Variants in NKAIN3 observed in about 807,000 individuals in gnomAD.
NKAIN3 encodes sodium/potassium transporting ATPase interacting 3.
Under a neutral mutation model 30.2 loss-of-function variants are expected in NKAIN3, and 25 were observed. That is an observed-to-expected ratio of 0.83 (90% confidence interval 0.60 to 1.16). The LOEUF is 1.16. Ranked by LOEUF, NKAIN3 falls within the 50% of genes most tolerant of loss-of-function variation. The pLI, the probability that NKAIN3 is intolerant of heterozygous loss-of-function variation, is 0.00. For synonymous variants in NKAIN3, 91 were observed against 89.6 expected, an observed-to-expected ratio of 1.02 and a Z score of -0.09; for missense variants, 225 against 254.1, an observed-to-expected ratio of 0.89 and a Z score of 0.78.
intron 3 of NKAIN3, among the ~76,000 whole-genome samples, chr8:62,646,198 T>C (rs1009195999): frequency 1.4e-4 from 21 of 150,534 alleles, no homozygotes; most frequent in Non-Finnish European, 2.5e-4. Flanking sequence ...TGGTCATGTG[T>C]CTTTCCATGA....
Position 62,883,457 on chromosome 8 carries a change from G to GTTGTTTTTTTTTTTTTTTTTTTT in NKAIN3, c.472-34994_472-34993insGTTTTTTTTTTTTTTTTTTTTTT. 3.4e-4 allele frequency among the ~76,000 whole-genome samples: 24 copies of GTTGTTTTTTTTTTTTTTTTTTTT among 70,234 alleles called. 2 individuals carry two copies. The highest frequency in any genetic ancestry group is 9.8e-4 in the African/African-American group (14 of 14,304). The allele number at this position is 70,234 out of a possible 152,430, so 46.1% of individuals were successfully genotyped here. A position where few individuals can be genotyped will look rare whatever the true frequency, so the allele number is the denominator to read the frequency against. On this transcript the variant is annotated intron_variant, in intron 4 of 6. Coordinates refer to ENST00000623646, the MANE Select transcript of NKAIN3 (RefSeq NM_001304533.3). ...TTTATTATTTCCAGGAGTTTTATGG[G>GTTGTTTTTTTTTTTTTTTTTTTT]TTTTTTTTTTTTTTTTCAGATTTTC...
intron 1 of NKAIN3, among the ~76,000 whole-genome samples, chr8:62,304,498 C>T (rs1397191095): frequency 6.7e-6 from 1 of 150,196 alleles, no homozygotes; most frequent in East Asian, 1.9e-4. Flanking sequence ...ATACATGAAA[C>T]AATGTGTAAA....
intron 1 of NKAIN3, among the ~76,000 whole-genome samples, chr8:62,498,364 A>G (rs148205593): frequency 1.8e-4 from 27 of 151,928 alleles, no homozygotes; most frequent in African/African-American, 6.5e-4. Context: ...TATTAAGACT[A>G]CCTCTTAGCC....
chr8:62,731,441 C>A (rs891925591), intron 3 of NKAIN3, among the ~76,000 whole-genome samples: 2 of 151,912 alleles, frequency 1.3e-5, no homozygotes, highest in African/African-American at 2.4e-5. Context: ...TGTTTTAACC[C>A]TCAATACAAG....
In NKAIN3 at chr8:62,845,284, A is replaced by ATT. The variant is rs1159232959; in HGVS notation, c.472-73168_472-73167dup. ...GATTCATTGACCTGCTGGATAGTAG[A>ATT]TTATATATATATATATATATATATA... On this transcript the variant is annotated intron_variant, in intron 4 of 6. Transcript: ENST00000623646. 1.3e-3 allele frequency among the ~76,000 whole-genome samples: 26 copies of ATT among 20,484 alleles called. 1 individual carries two copies. Among genetic ancestry groups the ATT allele is most frequent in the South Asian group, 4.6e-3 (2 of 432 alleles). The allele number at this position is 20,484 out of a possible 152,430, so 13.4% of individuals were successfully genotyped here.
intron 4 of NKAIN3, among the ~76,000 whole-genome samples, chr8:62,861,971 T>C (rs994309762): frequency 6.6e-6 from 1 of 152,354 alleles, no homozygotes; most frequent in South Asian, 2.1e-4. Context: ...TGAAAAGTTA[T>C]AAAATATCTT....
chr8:62,736,389 C>T (rs1446174413), intron 3 of NKAIN3, among the ~76,000 whole-genome samples: 1 of 152,016 alleles, frequency 6.6e-6, no homozygotes, highest in Non-Finnish European at 1.5e-5. Context: ...GGATTTCAGG[C>T]CAATGGAGTT....
intron 3 of NKAIN3, among the ~76,000 whole-genome samples, chr8:62,677,104 G>A (rs896523090): frequency 3.3e-5 from 5 of 151,968 alleles, no homozygotes; most frequent in South Asian, 2.1e-4. Context: ...ATATTCAATC[G>A]GTCTGATTTC....
intron 1 of NKAIN3, chr8:62,383,471 G>C (rs768642534): frequency 2.2e-6 from 1 of 454,662 alleles, no homozygotes; most frequent in South Asian, 1.6e-5. Flanking sequence ...TTTGTTTCCA[G>C]AATAGGGCAC....
chr8:62,514,222 T>A (rs2129751015), intron 1 of NKAIN3, among the ~76,000 whole-genome samples: 1 of 152,286 alleles, frequency 6.6e-6, no homozygotes, highest in Admixed American at 6.5e-5. Context: ...ATGCTCAGCA[T>A]CAGAGTATGC....
chr8:62,772,988 AT>A (rs770533452), intron 4 of NKAIN3, among the ~76,000 whole-genome samples: 4 of 151,378 alleles, frequency 2.6e-5, no homozygotes, highest in East Asian at 1.9e-4. Context: ...GGATTATTAG[AT>A]TTTTTTCATA....
intron 1 of NKAIN3, among the ~76,000 whole-genome samples, chr8:62,498,958 T>G (rs749189659): frequency 3.3e-5 from 5 of 152,176 alleles, no homozygotes; most frequent in Non-Finnish European, 4.4e-5. Flanking sequence ...GATAAGAGTA[T>G]CAAGACTGAC....
At chr8:62,718,221 G>A (rs950818250) in intron 3 of NKAIN3, among the ~76,000 whole-genome samples, 2 of 152,178 alleles carry the variant, frequency 1.3e-5, no homozygotes, top group Admixed American at 1.3e-4. Context: ...TTCAAGTTGA[G>A]ATTTGGGTGG....
rs989240 is a variant in NKAIN3, at chr8:62,969,195, T to C, written c.*3788T>C. Among the ~76,000 whole-genome samples, 17,783 of 152,276 alleles carry C rather than the reference T, an allele frequency of 0.12. 1,200 individuals carry two copies. Among genetic ancestry groups the C allele is most frequent in the East Asian group, 0.22 (1,135 of 5,168 alleles). On this transcript the variant is annotated 3_prime_UTR_variant, in exon 7 of 7. Coordinates refer to ENST00000623646, the MANE Select transcript of NKAIN3 (RefSeq NM_001304533.3). ...TTTTCCTTCAGAAAAATAAGCCCTG[T>C]TATTCCTATAGACCTAAATAAGGGA...
intron 1 of NKAIN3, among the ~76,000 whole-genome samples, chr8:62,387,349 CA>C (rs5891851): frequency 0.37 from 52,772 of 142,178 alleles, 10,036 homozygotes; most frequent in South Asian, 0.48. Context: ...AAAAATGTAG[CA>C]AAAAAAAAAA....
chr8:62,766,757 T>C (rs1816852375), intron 4 of NKAIN3, among the ~76,000 whole-genome samples: 1 of 152,154 alleles, frequency 6.6e-6, no homozygotes, highest in African/African-American at 2.4e-5. Flanking sequence ...AATTCCTCAC[T>C]GAGGGGCAAA....
intron 3 of NKAIN3, among the ~76,000 whole-genome samples, chr8:62,649,130 A>G (rs948336225): frequency 3.9e-5 from 6 of 152,222 alleles, no homozygotes; most frequent in Non-Finnish European, 5.9e-5. Context: ...GATTGAAAGA[A>G]AAAAGCATAT....
chr8:62,481,383 C>A (rs753426823), intron 1 of NKAIN3, among the ~76,000 whole-genome samples: 14 of 152,138 alleles, frequency 9.2e-5, no homozygotes, highest in East Asian at 1.9e-4. Context: ...CGAGAAGCCT[C>A]GAGCTGGATT....
chr8:62,436,760 C>T (rs929738675), intron 1 of NKAIN3, among the ~76,000 whole-genome samples: 1 of 152,054 alleles, frequency 6.6e-6, no homozygotes, highest in African/African-American at 2.4e-5. Flanking sequence ...ATCAGACATT[C>T]ACTTTGTTGT....
Sources: gnomAD v4.1 joint callset for allele counts (sites outside exome capture counted in the v4.1 genomes callset) on GRCh38, gnomAD v4.1.1 for gene constraint, MANE v1.5 for transcripts, NCBI Gene and HGNC (gene_info 2026-07-23, HGNC 2026-07-21) for gene names.